The following POLR2F variants were observed in gnomAD, a reference collection of about 807,000 sequenced individuals.
POLR2F encodes the protein DNA-directed RNA polymerases I, II, and III subunit RPABC2.
POLR2F carries 12 observed loss-of-function variants against 22.7 expected under a neutral mutation model. That is an observed-to-expected ratio of 0.53 (90% confidence interval 0.34 to 0.86). The LOEUF is 0.86. POLR2F is among the 40% of genes least tolerant of loss of function. The probability of loss-of-function intolerance (pLI) is 0.02; values close to 1 mark genes in which losing one functional copy is unlikely to be tolerated. For synonymous variants in POLR2F, 57 were observed against 66.0 expected, an observed-to-expected ratio of 0.86 and a Z score of 0.66; for missense variants, 126 against 171.5, an observed-to-expected ratio of 0.73 and a Z score of 1.48.
chr22:38,038,770 C>T (rs980476171), intron 5 of POLR2F, among the ~76,000 whole-genome samples: 1 of 151,680 alleles, frequency 6.6e-6, no homozygotes, highest in Admixed American at 6.6e-5. Flanking sequence ...GGCCCCCCAC[C>T]CACCCAAACT....
intron 3 of POLR2F, among the ~76,000 whole-genome samples, chr22:37,960,547 G>C (rs1438528664): frequency 1.3e-5 from 2 of 150,842 alleles, no homozygotes; most frequent in African/African-American, 4.9e-5. Context: ...ACAGGCGCCC[G>C]CCACCGTGCC....
chr22:38,038,405 C>T (rs979041418), intron 5 of POLR2F, among the ~76,000 whole-genome samples: 4 of 152,160 alleles, frequency 2.6e-5, no homozygotes, highest in Non-Finnish European at 5.9e-5. Context: ...GAAGCCATGG[C>T]TCTGGCCGGG....
At chr22:38,032,721 G>A (rs1221486370) in intron 5 of POLR2F, 1 of 152,404 alleles carries the variant, frequency 6.6e-6, no homozygotes, top group African/African-American at 2.4e-5. Flanking sequence ...CATGCTGCCT[G>A]GAATCAGGAC....
At chr22:37,998,434 A>C (rs2084737350) in intron 1 of POLR2F, among the ~76,000 whole-genome samples, 1 of 152,066 alleles carries the variant, frequency 6.6e-6, no homozygotes, top group African/African-American at 2.4e-5. Flanking sequence ...TGGGCCTCAC[A>C]CTTACATCTG....
Position 38,016,341 on chromosome 22 carries a change from G to A in POLR2F, c.121-9528G>A, listed in dbSNP as rs1014035731. Among the ~76,000 whole-genome samples the A allele has an allele frequency of 5.3e-5, 8 of 152,228 alleles. No homozygotes were observed. The highest frequency in any genetic ancestry group is 1.2e-4 in the Non-Finnish European group (8 of 68,028). On this transcript the variant is annotated intron_variant, in intron 1 of 2. Transcript: ENST00000333418. The surrounding 1 kb of genome is among the most constrained non-coding windows in gnomAD (Gnocchi z 4.4). Reference sequence around the variant, plus strand: ...CCGGCCCAAAGGCATTTGGGAGCCTGCTCCTCCCTCTGTACCTCCACCAGC... The same window carrying A: ...CCGGCCCAAAGGCATTTGGGAGCCTACTCCTCCCTCTGTACCTCCACCAGC...
At position 37,967,966 on chromosome 22, in the gene POLR2F, C is replaced by T. The variant is rs1931924764; in HGVS notation, c.*251C>T. ...GGATCCCCCACATCCTTCCCTCCAT[C>T]TCCCTGTTCCCCAGAGCAAAGGCTG... On this transcript the variant is annotated 3_prime_UTR_variant, in exon 5 of 5. Transcript: ENST00000442738. 3 of 1,137,012 alleles carry T rather than the reference C, an allele frequency of 2.6e-6. No individual in the cohort carries two copies. The highest frequency in any genetic ancestry group is 4.7e-5 in the Admixed American group (1 of 21,404). The allele number at this position is 1,137,012 out of a possible 1,614,324, so 70.4% of individuals were successfully genotyped here. A position where few individuals can be genotyped will look rare whatever the true frequency, so the allele number is the denominator to read the frequency against.
rs192143857 is a variant in POLR2F, at chr22:38,020,202, T to C, written c.121-5667T>C. On this transcript the variant is annotated intron_variant, in intron 1 of 2. Coordinates refer to the POLR2F transcript ENST00000333418. ...TGTCTCTGCTAAATACACACACACA[T>C]ATATACACACACACACACACACACA... 7.1e-3 allele frequency among the ~76,000 whole-genome samples: 743 copies of C among 104,690 alleles called. 8 individuals carry two copies. Among genetic ancestry groups the C allele is most frequent in the African/African-American group, 0.031 (718 of 23,294 alleles). 68.7% of individuals were successfully genotyped at this position (104,690 alleles called of 152,430 possible).
Position 37,967,630 on chromosome 22 carries a change from G to A in POLR2F, c.299G>A (p.Arg100Gln). 6.2e-7 allele frequency: 1 copy of A among 1,613,832 alleles called. No homozygotes were observed. The highest frequency in any genetic ancestry group is 8.5e-7 in the Non-Finnish European group (1 of 1,179,912). ...TGACTTCTCCCCTGCCACAGGGCCC[G>A]AAAGATCCCCATCATCATTCGCCGT... ...LLIAMKELKA[R>Q]KIPIIIRRYL... The change falls in exon 5 of 5, where the codon CGA becomes CAA. Residue 100 changes from arginine (R) to glutamine (Q), a missense_variant. Physicochemically the swap from Arg to Gln is conservative, Grantham distance 43. Coordinates refer to ENST00000442738, the MANE Select transcript of POLR2F (RefSeq NM_021974.5).
At chr22:38,041,860 G>C (rs971497299), downstream of POLR2F, 1 of 152,192 alleles carries the variant, frequency 6.6e-6, no homozygotes, top group African/African-American at 2.4e-5. Flanking sequence ...TGCTCTAACT[G>C]TATGAATTGT....
chr22:37,957,670 C>G (rs1931454002), intron 2 of POLR2F, among the ~76,000 whole-genome samples: 1 of 152,180 alleles, frequency 6.6e-6, no homozygotes, highest in Admixed American at 6.6e-5. Context: ...CTTCCCATCC[C>G]TGTCATGTAG....
intron 1 of POLR2F, among the ~76,000 whole-genome samples, chr22:38,004,183 G>A (rs2084800301): frequency 6.6e-6 from 1 of 151,856 alleles, no homozygotes; most frequent in Non-Finnish European, 1.5e-5. Flanking sequence ...AGATGTGGGG[G>A]GGGTCTCACT....
At chr22:37,986,007 GC>G (rs1441572085), upstream of POLR2F, 1 of 1,297,934 alleles carries the variant, frequency 7.7e-7, no homozygotes, top group Non-Finnish European at 1.0e-6. The surrounding 1 kb of genome is among the most constrained non-coding windows in gnomAD (Gnocchi z 4.7). Flanking sequence ...CCCCGGCGCT[GC>G]CAACCCTCCT....
downstream of POLR2F, chr22:37,971,210 T>C: frequency 2.1e-6 from 1 of 470,558 alleles, no homozygotes. Context: ...GGATGATGGT[T>C]AAAAATGCAA....
chr22:38,019,714 C>T (rs5995529), intron 1 of POLR2F, among the ~76,000 whole-genome samples: 105,162 of 152,124 alleles, frequency 0.69, 38,093 homozygotes, highest in African/African-American at 0.92. Flanking sequence ...TCCCTGGCCT[C>T]TTAAGAAGTC....
At chr22:38,001,345 G>C (rs2084767768) in intron 1 of POLR2F, among the ~76,000 whole-genome samples, 1 of 152,194 alleles carries the variant, frequency 6.6e-6, no homozygotes, top group African/African-American at 2.4e-5. Flanking sequence ...AAAAATTACA[G>C]AAGTATCTTA....
In POLR2F at chr22:38,025,107, C is replaced by T. The variant is rs371706368; in HGVS notation, c.121-762C>T. Among the ~76,000 whole-genome samples, 12 of 152,240 alleles carry T rather than the reference C, an allele frequency of 7.9e-5. No homozygotes were observed. In the South Asian group the frequency reaches 2.5e-3, roughly 32 times the overall value. On this transcript the variant is annotated intron_variant, in intron 1 of 2. Transcript: ENST00000333418. ...TCTCCTGGTGTCCTGGTCCCTCCAG[C>T]CACTCAAGAGGACATTCCCTAGGCA...
At chr22:38,002,467 G>T (rs963951903) in intron 1 of POLR2F, among the ~76,000 whole-genome samples, 16 of 152,080 alleles carry the variant, frequency 1.1e-4, no homozygotes, top group Admixed American at 9.2e-4. Context: ...CCGCCTCCCA[G>T]GCTCAAGCAA....
At chr22:37,959,520 C>T (rs1391188824) in intron 3 of POLR2F, 44 bp downstream of exon 3, 1 of 1,603,344 alleles carries the variant, frequency 6.2e-7, no homozygotes, top group East Asian at 2.2e-5. Context: ...TGTCAGGCCA[C>T]AGTAAGCTCT....
At chr22:38,031,214 A>G (rs1304753268), downstream of POLR2F, among the ~76,000 whole-genome samples, 2 of 152,148 alleles carry the variant, frequency 1.3e-5, no homozygotes, top group Non-Finnish European at 2.9e-5. The surrounding 1 kb of genome is among the most constrained non-coding windows in gnomAD (Gnocchi z 4.1). Flanking sequence ...GGCCCTGGAC[A>G]ATCTGCTTCA....
Sources: gnomAD v4.1 joint callset for allele counts (sites outside exome capture counted in the v4.1 genomes callset) on GRCh38, gnomAD v4.1.1 for gene constraint, Gnocchi (gnomAD v3.1) non-coding constraint, MANE v1.5 for transcripts, NCBI Gene and HGNC (gene_info 2026-07-23, HGNC 2026-07-21) for gene names.